EPS8: variants seen among roughly 807,000 people sequenced by gnomAD.
EPS8 encodes EGFR pathway substrate 8, signaling adaptor.
EPS8 carries 42 observed loss-of-function variants against 103.8 expected under a neutral mutation model. The ratio of observed to expected loss-of-function variants is 0.40; its 90% CI spans 0.32 to 0.52. EPS8 has a LOEUF of 0.52. EPS8 is among the 20% of genes least tolerant of loss of function. EPS8 has a pLI of 0.40. For synonymous variants in EPS8, 344 were observed against 344.6 expected (o/e 1.00, Z 0.02); for missense variants, 969 against 1,005.1 (o/e 0.96, Z 0.49).
At chr12:15,640,443 AT>A in intron 17 of EPS8, among the ~76,000 whole-genome samples, 1 of 152,306 alleles carries the variant, frequency 6.6e-6, no homozygotes, top group Middle Eastern at 3.4e-3. Flanking sequence ...AATACTACAG[AT>A]TGGGGAAAAA....
At chr12:15,720,196 T>C (rs1020052595) in intron 1 of EPS8, among the ~76,000 whole-genome samples, 35 of 152,312 alleles carry the variant, frequency 2.3e-4, no homozygotes, top group African/African-American at 7.9e-4. Context: ...GAGTATAGCA[T>C]AGTACCTGAT....
At chr12:15,692,336 T>G (rs1053439386) in intron 1 of EPS8, among the ~76,000 whole-genome samples, 4 of 150,744 alleles carry the variant, frequency 2.7e-5, no homozygotes, top group African/African-American at 9.8e-5. Flanking sequence ...TTTTTTTTTT[T>G]TTTTTTTGCC....
intron 3 of EPS8, among the ~76,000 whole-genome samples, chr12:15,672,719 T>G (rs563849358): frequency 2.6e-5 from 4 of 152,240 alleles, no homozygotes; most frequent in Non-Finnish European, 5.9e-5. Context: ...ATGACTCTTG[T>G]AATACAATAT....
In EPS8 at chr12:15,690,180, C is replaced by CT. The variant is rs1351866971; in HGVS notation, c.-21-7209dup. Among the ~76,000 whole-genome samples the CT allele has an allele frequency of 2.6e-5, 4 of 152,154 alleles. No homozygotes were observed. The highest frequency in any genetic ancestry group is 9.7e-5 in the African/African-American group (4 of 41,422). On this transcript the variant is annotated intron_variant, in intron 1 of 20. Transcript: ENST00000281172. The surrounding 1 kb of genome is among the most constrained non-coding windows in gnomAD (Gnocchi z 4.7). The stretch of plus-strand genomic sequence containing the variant: ...CGTATAGCTCCTTAAGAGGATCAAT[C>CT]TTTTCTAAAGTGTACAATATATCTT...
rs570204068 is a variant in EPS8, at chr12:15,688,452, A to G, written c.-21-5480T>C. ...CAGGCATTTTTGTTTTCCTGCCCAAATGTTGCATTTCCCAAGACCAGCCTG... is the reference window on the plus strand; with the variant it reads ...CAGGCATTTTTGTTTTCCTGCCCAAGTGTTGCATTTCCCAAGACCAGCCTG... On this transcript the variant is annotated intron_variant, in intron 1 of 20. Transcript: ENST00000281172. This position sits in a 1 kb window ranked among gnomAD's most constrained non-coding sequence, Gnocchi z 5.1. Among the ~76,000 whole-genome samples, 1 of 152,244 alleles carries G rather than the reference A, an allele frequency of 6.6e-6. No individual in the cohort carries two copies. Among genetic ancestry groups the G allele is most frequent in the East Asian group, 1.9e-4 (1 of 5,170 alleles).
At position 15,780,645 on chromosome 12, in the gene EPS8, T is replaced by G. The variant is rs1238266149; in HGVS notation, c.-22+8516A>C. 6.6e-6 allele frequency: 1 copy of G among 152,166 alleles called. No individual in the cohort carries two copies. The highest frequency in any genetic ancestry group is 1.5e-5 in the Non-Finnish European group (1 of 68,064). 9.4% of individuals were successfully genotyped at this position (152,166 alleles called of 1,614,324 possible). On this transcript the variant is annotated intron_variant, in intron 1 of 20. Coordinates refer to ENST00000281172, the MANE Select transcript of EPS8 (RefSeq NM_004447.6). This position sits in a 1 kb window ranked among gnomAD's most constrained non-coding sequence, Gnocchi z 4.1. ...AGGTCTGATTCCAAAGTCCATTGTT[T>G]GTTTGTTTTTTAATATATACTTCCT...
chr12:15,752,463 CA>C lies in EPS8; in HGVS notation c.-22+36697del, dbSNP rs1213455978. On this transcript the variant is annotated intron_variant, in intron 1 of 20. Transcript: ENST00000281172. This position sits in a 1 kb window ranked among gnomAD's most constrained non-coding sequence, Gnocchi z 4.4. ...CTCCATCTCAAAAAAAAAACAAAAA[CA>C]AAAAAAATAAAAATAAATTCCCCTA... Among the ~76,000 whole-genome samples the C allele has an allele frequency of 1.3e-5, 2 of 150,956 alleles. No homozygotes were observed. Among genetic ancestry groups the C allele is most frequent in the Non-Finnish European group, 3.0e-5 (2 of 67,724 alleles).
At chr12:15,641,974 T>A (rs553906293) in intron 15 of EPS8, 144 bp from the exon 16 acceptor site, 1 of 427,148 alleles carries the variant, frequency 2.3e-6, no homozygotes, top group East Asian at 3.6e-5. Flanking sequence ...TACATTATGA[T>A]AAATAAAAGT....
At position 15,701,194 on chromosome 12, in the gene EPS8, A is replaced by G. The variant is rs1205009346; in HGVS notation, c.-21-18222T>C. Among the ~76,000 whole-genome samples the G allele has an allele frequency of 6.6e-6, 1 of 152,264 alleles. No homozygotes were observed. Among genetic ancestry groups the G allele is most frequent in the African/African-American group, 2.4e-5 (1 of 41,474 alleles). ...TATTTAATAATAATTTACAAAAACAATAACACTTATTAAATCCATATATGT... is the reference window on the plus strand; with the variant it reads ...TATTTAATAATAATTTACAAAAACAGTAACACTTATTAAATCCATATATGT... On this transcript the variant is annotated intron_variant, in intron 1 of 20. Transcript: ENST00000281172. The surrounding 1 kb of genome is among the most constrained non-coding windows in gnomAD (Gnocchi z 5.1).
At chr12:15,657,624 A>C (rs1945530936) in intron 12 of EPS8, among the ~76,000 whole-genome samples, 1 of 152,228 alleles carries the variant, frequency 6.6e-6, no homozygotes, top group Admixed American at 6.5e-5. Flanking sequence ...ATAAATGAAT[A>C]AACAAGTCAG....
intron 1 of EPS8, among the ~76,000 whole-genome samples, chr12:15,744,606 G>T (rs1946857311): frequency 6.6e-6 from 1 of 152,118 alleles, no homozygotes; most frequent in Admixed American, 6.5e-5. Context: ...AAGGTAAGTT[G>T]TAATACTTTC....
chr12:15,710,104 C>T (rs1946442135), intron 1 of EPS8, among the ~76,000 whole-genome samples: 1 of 151,902 alleles, frequency 6.6e-6, no homozygotes, highest in Admixed American at 6.6e-5. Context: ...GGACCCCTGG[C>T]TTAAGGGATA....
chr12:15,667,729 C>A (rs758794179), intron 6 of EPS8, among the ~76,000 whole-genome samples: 6 of 152,086 alleles, frequency 3.9e-5, no homozygotes, highest in Non-Finnish European at 7.4e-5. Context: ...AAAGAAACTG[C>A]GTTTTTCATT....
rs911166907 is a variant in EPS8 at position 15,752,425 on chromosome 12, C to T, written c.-22+36736G>A. 4.0e-5 allele frequency among the ~76,000 whole-genome samples: 6 copies of T among 150,888 alleles called. No individual in the cohort carries two copies. Among genetic ancestry groups the T allele is most frequent in the East Asian group, 1.9e-4 (1 of 5,146 alleles). ...TCATGCCACTGCACCCTAGCCTGGG[C>T]GACAGAGCAAGACTCCATCTCAAAA... On this transcript the variant is annotated intron_variant, in intron 1 of 20. Transcript: ENST00000281172. The surrounding 1 kb of genome is among the most constrained non-coding windows in gnomAD (Gnocchi z 4.4).
Position 15,760,397 on chromosome 12 carries a change from C to G in EPS8, c.-22+28764G>C, listed in dbSNP as rs930124438. Among the ~76,000 whole-genome samples the G allele has an allele frequency of 6.6e-6, 1 of 152,032 alleles. No individual in the cohort carries two copies. Among genetic ancestry groups the G allele is most frequent in the African/African-American group, 2.4e-5 (1 of 41,424 alleles). ...CATTTAAAGAAGAATTAATACGAAT[C>G]CTACTCAAACTATTCTGAAAACATA... On this transcript the variant is annotated intron_variant, in intron 1 of 20. Coordinates refer to ENST00000281172, the MANE Select transcript of EPS8 (RefSeq NM_004447.6). The surrounding 1 kb of genome is among the most constrained non-coding windows in gnomAD (Gnocchi z 4.5).
At chr12:15,654,413 G>A in intron 12 of EPS8, 120 bp from the exon 13 acceptor site, 1 of 894,388 alleles carries the variant, frequency 1.1e-6, no homozygotes, top group Non-Finnish European at 1.8e-6. Flanking sequence ...ATTAACTTTT[G>A]ATGCTGTGCA....
intron 10 of EPS8, among the ~76,000 whole-genome samples, chr12:15,659,992 G>A (rs1945576522): frequency 6.6e-6 from 1 of 152,132 alleles, no homozygotes; most frequent in African/African-American, 2.4e-5. Context: ...CAAGAATAGA[G>A]CTATGTCTTT....
At chr12:15,666,335 A>G (rs1361002164) in intron 7 of EPS8, 105 bp downstream of exon 7, 5 of 810,042 alleles carry the variant, frequency 6.2e-6, no homozygotes, top group Middle Eastern at 2.3e-4. Context: ...TGATCTATAC[A>G]ATACAATAAT....
rs1461776021 is a variant in EPS8, at chr12:15,696,572, C to A, written c.-21-13600G>T. Among the ~76,000 whole-genome samples the A allele has an allele frequency of 6.6e-6, 1 of 151,892 alleles. No homozygotes were observed. Among genetic ancestry groups the A allele is most frequent in the African/African-American group, 2.4e-5 (1 of 41,332 alleles). ...AGAAGAATTGCTTGAACCCAGGAGG[C>A]GGAGGTTGCAGTGAGCCAAGATCGC... On this transcript the variant is annotated intron_variant, in intron 1 of 20. Coordinates refer to ENST00000281172, the MANE Select transcript of EPS8 (RefSeq NM_004447.6). This position sits in a 1 kb window ranked among gnomAD's most constrained non-coding sequence, Gnocchi z 4.8.
Sources: allele counts gnomAD v4.1 joint callset (sites outside exome capture counted in the v4.1 genomes callset), GRCh38; gene constraint gnomAD v4.1.1; non-coding constraint Gnocchi (gnomAD v3.1); transcripts MANE v1.5; gene names NCBI Gene and HGNC (gene_info 2026-07-23, HGNC 2026-07-21).